The following SYNDIG1 variants were observed in gnomAD, a reference collection of about 807,000 sequenced individuals.
SYNDIG1 encodes synapse differentiation-inducing gene protein 1.
A neutral mutation model predicts 19.4 loss-of-function variants in SYNDIG1; 9 were observed. The ratio of observed to expected loss-of-function variants is 0.46; its 90% CI spans 0.28 to 0.81. The LOEUF (loss-of-function observed/expected upper bound fraction) is 0.81, where lower values mean the gene tolerates loss of function less well. Ranked by LOEUF, SYNDIG1 falls within the 30% of genes least tolerant of loss-of-function variation. The pLI is 0.12. For synonymous variants in SYNDIG1, 141 were observed against 145.9 expected (o/e 0.97, Z 0.24); for missense variants, 311 against 343.3 (o/e 0.91, Z 0.74).
Position 24,636,070 on chromosome 20 carries a change from A to G in SYNDIG1, c.619-29276A>G, listed in dbSNP as rs190305271. Among the ~76,000 whole-genome samples the G allele has an allele frequency of 1.6e-3, 246 of 152,192 alleles. 1 individual carries two copies. The highest frequency in any genetic ancestry group is 4.6e-4 in the Non-Finnish European group (31 of 68,018). ...ACACTGCTTGTTCACTGTTGTCTGGACTTTGGGGGGGCTCTATGAACAATG... is the reference window on the plus strand; with the variant it reads ...ACACTGCTTGTTCACTGTTGTCTGGGCTTTGGGGGGGCTCTATGAACAATG... On this transcript the variant is annotated intron_variant, in intron 3 of 3. Coordinates refer to ENST00000376862, the MANE Select transcript of SYNDIG1 (RefSeq NM_024893.3).
chr20:24,620,533 C>T (rs1202254712), intron 3 of SYNDIG1, among the ~76,000 whole-genome samples: 1 of 152,226 alleles, frequency 6.6e-6, no homozygotes, highest in African/African-American at 2.4e-5. Flanking sequence ...CTGGCTTCCT[C>T]AAGCAAACGT....
chr20:24,537,562 A>T (rs1212800178), intron 1 of SYNDIG1, among the ~76,000 whole-genome samples: 10 of 151,900 alleles, frequency 6.6e-5, no homozygotes, highest in African/African-American at 2.4e-4. Context: ...TCCTGCTGCC[A>T]GTCTTGTTTT....
chr20:24,469,685 A>ACGCTCGCT lies in SYNDIG1; in HGVS notation c.-140_-133dup, dbSNP rs376197913. On this transcript the variant is annotated 5_prime_UTR_variant, in exon 1 of 4. Transcript: ENST00000376862. ...AGAGGCGGGCGCCGCACCGCCCCGC[A>ACGCTCGCT]CGCTCGCTCGCTCGGGAGAGTCGCG... 2.0e-5 allele frequency: 3 copies of ACGCTCGCT among 151,876 alleles called. No homozygotes were observed. The highest frequency in any genetic ancestry group is 2.1e-4 in the South Asian group (1 of 4,840). The allele number at this position is 151,876 out of a possible 1,614,324, so 9.4% of individuals were successfully genotyped here.
chr20:24,604,378 C>T (rs755895476), intron 3 of SYNDIG1, among the ~76,000 whole-genome samples: 8 of 152,136 alleles, frequency 5.3e-5, no homozygotes, highest in Non-Finnish European at 1.2e-4. Context: ...TCATAAAGAC[C>T]TTGCTGATAA....
At chr20:24,486,133 A>G (rs2055949882) in intron 1 of SYNDIG1, among the ~76,000 whole-genome samples, 1 of 152,258 alleles carries the variant, frequency 6.6e-6, no homozygotes, top group Non-Finnish European at 1.5e-5. Context: ...CCAAGGCCAC[A>G]TCACAGGGTA....
chr20:24,521,613 C>A (rs142274557), intron 1 of SYNDIG1, among the ~76,000 whole-genome samples: 4 of 152,186 alleles, frequency 2.6e-5, no homozygotes, highest in Non-Finnish European at 5.9e-5. Context: ...TTAAGTAGTA[C>A]CTCGCCACAC....
At chr20:24,478,299 A>G (rs1000274246) in intron 1 of SYNDIG1, among the ~76,000 whole-genome samples, 7 of 152,190 alleles carry the variant, frequency 4.6e-5, no homozygotes, top group Admixed American at 1.3e-4. Context: ...CAGGCAGGGC[A>G]AGGGAGGAGC....
intron 3 of SYNDIG1, among the ~76,000 whole-genome samples, chr20:24,635,139 G>A (rs1276177917): frequency 6.6e-6 from 1 of 152,156 alleles, no homozygotes; most frequent in Non-Finnish European, 1.5e-5. Context: ...GGAAGGAAAG[G>A]CAGTGAAGAC....
At chr20:24,595,072 G>T (rs1214450635) in intron 3 of SYNDIG1, among the ~76,000 whole-genome samples, 1 of 152,114 alleles carries the variant, frequency 6.6e-6, no homozygotes, top group Non-Finnish European at 1.5e-5. Context: ...GGTGAGAGTG[G>T]ACATCCTTGT....
chr20:24,577,122 A>G lies in SYNDIG1; in HGVS notation c.481-7734A>G, dbSNP rs536742098. On this transcript the variant is annotated intron_variant, in intron 2 of 3. Coordinates refer to ENST00000376862, the MANE Select transcript of SYNDIG1 (RefSeq NM_024893.3). ...GGGCAATGTGTGTTCAAATATGAAAACAGGGTTTCCTAGGACTCTGCACTC... is the reference window on the plus strand; with the variant it reads ...GGGCAATGTGTGTTCAAATATGAAAGCAGGGTTTCCTAGGACTCTGCACTC... 3.9e-5 allele frequency among the ~76,000 whole-genome samples: 6 copies of G among 152,256 alleles called. No homozygotes were observed. In the East Asian group the frequency reaches 9.7e-4, roughly 25 times the overall value.
At chr20:24,523,883 A>G (rs2057059790) in intron 1 of SYNDIG1, among the ~76,000 whole-genome samples, 1 of 152,162 alleles carries the variant, frequency 6.6e-6, no homozygotes, top group South Asian at 2.1e-4. Flanking sequence ...TATAAATGGG[A>G]CAGATTGCTG....
intron 2 of SYNDIG1, among the ~76,000 whole-genome samples, chr20:24,582,176 C>T (rs1357798655): frequency 1.4e-5 from 2 of 144,906 alleles, no homozygotes; most frequent in Admixed American, 6.9e-5. Flanking sequence ...CTCCCGATTG[C>T]AAGTCCTCCC....
intron 1 of SYNDIG1, among the ~76,000 whole-genome samples, chr20:24,478,124 T>C (rs1471877855): frequency 6.6e-6 from 1 of 152,186 alleles, no homozygotes; most frequent in Non-Finnish European, 1.5e-5. Flanking sequence ...AGAGGTGAGC[T>C]AAACAATTGT....
At chr20:24,630,737 G>A (rs560130964) in intron 3 of SYNDIG1, among the ~76,000 whole-genome samples, 18 of 152,266 alleles carry the variant, frequency 1.2e-4, no homozygotes, top group Non-Finnish European at 1.8e-4. Flanking sequence ...GTCCACTGTC[G>A]CCTGGCTGCC....
intron 1 of SYNDIG1, among the ~76,000 whole-genome samples, chr20:24,540,262 G>T (rs889799153): frequency 2.6e-5 from 4 of 152,138 alleles, no homozygotes; most frequent in Non-Finnish European, 5.9e-5. Flanking sequence ...TTTGTATCCT[G>T]CTACTTTGCT....
chr20:24,536,739 G>T (rs6138316), intron 1 of SYNDIG1, among the ~76,000 whole-genome samples: 109,605 of 151,982 alleles, frequency 0.72, 39,672 homozygotes, highest in African/African-American at 0.79. Context: ...CCCATGTCTC[G>T]CAGGGAGGAC....
chr20:24,595,914 ATTTG>A (rs1271592400), intron 3 of SYNDIG1, among the ~76,000 whole-genome samples: 1 of 151,798 alleles, frequency 6.6e-6, no homozygotes, highest in Non-Finnish European at 1.5e-5. Flanking sequence ...AAACTTCTGG[ATTTG>A]TTTATCTCTT....
At chr20:24,653,745 C>A (rs1022760030) in intron 3 of SYNDIG1, among the ~76,000 whole-genome samples, 1 of 152,212 alleles carries the variant, frequency 6.6e-6, no homozygotes, top group Non-Finnish European at 1.5e-5. Flanking sequence ...TTAACTCTGT[C>A]AGCTCTGGAG....
chr20:24,526,641 G>T (rs921389782), intron 1 of SYNDIG1, among the ~76,000 whole-genome samples: 1 of 152,082 alleles, frequency 6.6e-6, no homozygotes, highest in African/African-American at 2.4e-5. Context: ...TAAGTATGTC[G>T]TGAGTTTGTG....
Sources: gnomAD v4.1 joint callset for allele counts (sites outside exome capture counted in the v4.1 genomes callset) on GRCh38, gnomAD v4.1.1 for gene constraint, MANE v1.5 for transcripts, NCBI Gene and HGNC (gene_info 2026-07-23, HGNC 2026-07-21) for gene names.